Variants in SORCS1 observed in about 807,000 individuals in gnomAD.
SORCS1 encodes the protein VPS10 domain-containing receptor SorCS1.
Under a neutral mutation model 146.1 loss-of-function variants are expected in SORCS1, and 60 were observed. That is an observed-to-expected ratio of 0.41 (90% CI 0.33 to 0.51). The LOEUF (loss-of-function observed/expected upper bound fraction) is 0.51, where lower values mean the gene tolerates loss of function less well. Ranked by LOEUF, SORCS1 falls within the 20% of genes least tolerant of loss-of-function variation. The pLI, the probability that SORCS1 is intolerant of heterozygous loss-of-function variation, is 0.21. For missense variants in SORCS1, 1,352 were observed against 1,487.6 expected, an observed-to-expected ratio of 0.91 and a Z score of 1.50; for synonymous variants, 637 against 584.0, an observed-to-expected ratio of 1.09 and a Z score of -1.31.
chr10:106,778,231 C>T (rs1860612948), intron 3 of SORCS1, among the ~76,000 whole-genome samples: 1 of 152,066 alleles, frequency 6.6e-6, no homozygotes, highest in Non-Finnish European at 1.5e-5. Context: ...TTTCAACCTC[C>T]CCTTCTTGAA....
chr10:107,178,554 A>G, the SORCS1 span, among the ~76,000 whole-genome samples: 6 of 151,788 alleles, frequency 4.0e-5, no homozygotes, highest in Admixed American at 3.9e-4. Context: ...AATGTCACCC[A>G]GTGGTACGAT....
intron 1 of SORCS1, among the ~76,000 whole-genome samples, chr10:107,117,072 T>A (rs1404499192): frequency 6.6e-6 from 1 of 152,206 alleles, no homozygotes; most frequent in African/African-American, 2.4e-5. Flanking sequence ...GAGGGAATTA[T>A]TAAGCAGAAG....
chr10:107,008,994 T>G (rs1957575616), intron 1 of SORCS1, among the ~76,000 whole-genome samples: 1 of 152,224 alleles, frequency 6.6e-6, no homozygotes, highest in Admixed American at 6.5e-5. Flanking sequence ...AGACTCCGTC[T>G]CAAAACAAAA....
At chr10:106,762,976 C>T (rs1244361237) in intron 4 of SORCS1, among the ~76,000 whole-genome samples, 1 of 152,140 alleles carries the variant, frequency 6.6e-6, no homozygotes, top group East Asian at 1.9e-4. Flanking sequence ...CCGCTTCTCT[C>T]TCTCTCCCCT....
chr10:106,738,134 A>C (rs901243493), intron 5 of SORCS1, among the ~76,000 whole-genome samples: 2 of 152,240 alleles, frequency 1.3e-5, no homozygotes, highest in African/African-American at 4.8e-5. Context: ...GGAGATACAC[A>C]TTAAAAATTC....
chr10:106,636,403 A>T (rs7902228), intron 18 of SORCS1, among the ~76,000 whole-genome samples: 34,684 of 152,124 alleles, frequency 0.23, 4,892 homozygotes, highest in East Asian at 0.51. Flanking sequence ...TCTTATTTAA[A>T]CTTTGTATCA....
At chr10:107,167,545 G>T (rs183707453), upstream of SORCS1, among the ~76,000 whole-genome samples, 23 of 152,094 alleles carry the variant, frequency 1.5e-4, no homozygotes, top group African/African-American at 5.3e-4. Context: ...GCCTCTTACT[G>T]CTCACTCTAC....
intron 17 of SORCS1, among the ~76,000 whole-genome samples, chr10:106,666,356 G>C (rs938415111): frequency 2.0e-5 from 3 of 152,118 alleles, no homozygotes; most frequent in Non-Finnish European, 4.4e-5. Flanking sequence ...CCGAAAGATA[G>C]GCTCTTCCTG....
intron 1 of SORCS1, among the ~76,000 whole-genome samples, chr10:107,034,107 G>GAGAACA (rs1564952233): frequency 6.6e-6 from 1 of 152,186 alleles, no homozygotes; most frequent in East Asian, 1.9e-4. Flanking sequence ...AACAGAGATA[G>GAGAACA]GCTGATCAAT....
chr10:106,629,154 G>A (rs1160553610), intron 19 of SORCS1, 48 bp downstream of exon 19: 1 of 1,516,232 alleles, frequency 6.6e-7, no homozygotes, highest in Non-Finnish European at 9.0e-7. Flanking sequence ...ATTTGAAAAG[G>A]ACACAATATT....
chr10:106,611,625 G>A (rs1244933075), intron 22 of SORCS1, among the ~76,000 whole-genome samples: 2 of 152,164 alleles, frequency 1.3e-5, no homozygotes, highest in African/African-American at 4.8e-5. Context: ...GGACAAAGGA[G>A]TTTAGGATGT....
rs1196735969 is a variant in SORCS1 at position 107,120,369 on chromosome 10, T to TA, written c.558+43599dup. On this transcript the variant is annotated intron_variant, in intron 1 of 25. Transcript: ENST00000263054. ...ATAAATACATGAATAAAGAAAGTAA[T>TA]AAAAAAATTCACTGCCTGTAGGCAA... 3.9e-5 allele frequency among the ~76,000 whole-genome samples: 6 copies of TA among 152,168 alleles called. No homozygotes were observed. In the East Asian group the frequency reaches 7.7e-4, roughly 20 times the overall value.
intron 2 of SORCS1, among the ~76,000 whole-genome samples, chr10:106,901,889 A>T (rs1186661864): frequency 1.3e-5 from 2 of 152,060 alleles, no homozygotes; most frequent in African/African-American, 4.8e-5. Flanking sequence ...TAAATATACA[A>T]AAAAATTAGC....
At chr10:107,080,062 G>A (rs1262497882) in intron 1 of SORCS1, among the ~76,000 whole-genome samples, 3 of 152,148 alleles carry the variant, frequency 2.0e-5, no homozygotes, top group Admixed American at 2.0e-4. Context: ...AAACACTCTG[G>A]TCATAAAGCC....
At chr10:106,994,857 A>G (rs1336092681) in intron 1 of SORCS1, among the ~76,000 whole-genome samples, 4 of 152,198 alleles carry the variant, frequency 2.6e-5, no homozygotes, top group African/African-American at 9.7e-5. Flanking sequence ...GCAGGCACCA[A>G]AATGTATTTT....
At chr10:107,130,119 C>T (rs1025932558) in intron 1 of SORCS1, among the ~76,000 whole-genome samples, 6 of 152,218 alleles carry the variant, frequency 3.9e-5, no homozygotes. Flanking sequence ...GAATCGCTGT[C>T]TTCCAATCCT....
At chr10:106,888,635 C>T (rs1951099247) in intron 2 of SORCS1, among the ~76,000 whole-genome samples, 1 of 152,178 alleles carries the variant, frequency 6.6e-6, no homozygotes, top group Non-Finnish European at 1.5e-5. Context: ...GGTTTCTATT[C>T]CGTGACCAAT....
chr10:106,882,487 T>C (rs1018409583), intron 2 of SORCS1, among the ~76,000 whole-genome samples: 3 of 152,178 alleles, frequency 2.0e-5, no homozygotes, highest in Non-Finnish European at 4.4e-5. Flanking sequence ...AACTCTCCCA[T>C]TAGAGCATGG....
At chr10:106,958,441 C>G (rs1000879825) in intron 1 of SORCS1, among the ~76,000 whole-genome samples, 2 of 152,196 alleles carry the variant, frequency 1.3e-5, no homozygotes, top group Non-Finnish European at 2.9e-5. Flanking sequence ...CCAAGTTCCA[C>G]TCTACTAGCA....
Sources: allele counts gnomAD v4.1 joint callset (sites outside exome capture counted in the v4.1 genomes callset), GRCh38; gene constraint gnomAD v4.1.1; transcripts MANE v1.5; gene names NCBI Gene and HGNC (gene_info 2026-07-23, HGNC 2026-07-21).